KIAA0930: variants seen among roughly 807,000 people sequenced by gnomAD.
KIAA0930 encodes KIAA0930.
KIAA0930 carries 24 observed loss-of-function variants against 43.9 expected under a neutral mutation model. That is an observed-to-expected ratio of 0.55 (90% CI 0.40 to 0.77). KIAA0930 has a LOEUF of 0.77. KIAA0930 is among the 30% of genes least tolerant of loss of function. The pLI is 0.00. For synonymous variants in KIAA0930, 259 were observed against 216.4 expected (o/e 1.20, Z -1.73); for missense variants, 461 against 574.2 (o/e 0.80, Z 2.02).
Position 45,194,790 on chromosome 22 carries a change from C to T in KIAA0930, c.*2386G>A, listed in dbSNP as rs1282409056. On this transcript the variant is annotated 3_prime_UTR_variant, in exon 10 of 10. Transcript: ENST00000336156. ...AGGGCCTGAGAAAGGCAGACTCCAC[C>T]GAGTGTCTGTCCATCTGTCCGGACA... is the stretch of plus-strand genomic sequence containing the variant. 1 of 152,224 alleles carries T rather than the reference C, an allele frequency of 6.6e-6. No homozygotes were observed. Among genetic ancestry groups the T allele is most frequent in the Non-Finnish European group, 1.5e-5 (1 of 68,050 alleles). 9.4% of individuals were successfully genotyped at this position (152,224 alleles called of 1,614,324 possible).
intron 2 of KIAA0930, 23 bp downstream of exon 2, chr22:45,211,927 CGCAGGG>C (rs768830823): frequency 1.9e-6 from 3 of 1,601,626 alleles, no homozygotes; most frequent in South Asian, 2.2e-5. Context: ...GGGGCACAGA[CGCAGGG>C]GCAGGGGCCG....
Position 45,197,929 on chromosome 22 carries a change from G to A in KIAA0930, c.1035C>T (p.Thr345=). 6.2e-7 allele frequency: 1 copy of A among 1,614,130 alleles called. No individual in the cohort carries two copies. The highest frequency in any genetic ancestry group is 8.5e-7 in the Non-Finnish European group (1 of 1,180,026). Residue 345 remains threonine (T), a synonymous_variant, in exon 9 of 10, where the codon ACC becomes ACT. Coordinates refer to ENST00000336156, the MANE Select transcript of KIAA0930 (RefSeq NM_001009880.2). The stretch of plus-strand genomic sequence containing the variant: ...CCGACAGGGACCGAGACCGCAGGTT[G>A]GTTGCATTGTGCAGATCGGCTGGAG... The part of the protein sequence containing the change: ...DDGGADLHNA[T]NLRSRSLSGT...
intron 8 of KIAA0930, 77 bp downstream of exon 8, chr22:45,199,792 GAATA>G (rs1292346074): frequency 3.9e-6 from 5 of 1,294,250 alleles, no homozygotes; most frequent in Non-Finnish European, 5.2e-6. Flanking sequence ...ATGAATGAAT[GAATA>G]AATGAATGAA....
At chr22:45,225,816 T>G (rs965068065) in intron 1 of KIAA0930, among the ~76,000 whole-genome samples, 3 of 152,238 alleles carry the variant, frequency 2.0e-5, no homozygotes, top group Admixed American at 6.5e-5. Context: ...ATTGCCTCAC[T>G]TGATCTTCAC....
chr22:45,235,248 C>T (rs960954375), intron 1 of KIAA0930: 1 of 152,268 alleles, frequency 6.6e-6, no homozygotes, highest in Admixed American at 6.5e-5. Context: ...AGCATTCTTA[C>T]CCAGGCCAGT....
chr22:45,238,088 T>C (rs994744606), intron 1 of KIAA0930, among the ~76,000 whole-genome samples: 14 of 143,380 alleles, frequency 9.8e-5, no homozygotes, highest in Non-Finnish European at 1.7e-4. Flanking sequence ...GCCTGGCTAA[T>C]TTTTTTTTTT....
chr22:45,204,122 G>A (rs1457125981), intron 5 of KIAA0930, 137 bp from the exon 6 acceptor site: 5 of 1,134,388 alleles, frequency 4.4e-6, no homozygotes, highest in Non-Finnish European at 5.0e-6. Flanking sequence ...ACACTCCTGT[G>A]GCCCCATGCC....
At chr22:45,200,800 C>A (rs1347202878) in intron 7 of KIAA0930, among the ~76,000 whole-genome samples, 4 of 152,226 alleles carry the variant, frequency 2.6e-5, no homozygotes, top group African/African-American at 7.2e-5. Flanking sequence ...GAGTGACAAC[C>A]ATAGACAGCA....
intron 1 of KIAA0930, among the ~76,000 whole-genome samples, chr22:45,222,159 A>T (rs899997663): frequency 6.6e-6 from 1 of 152,240 alleles, no homozygotes; most frequent in African/African-American, 2.4e-5. Flanking sequence ...AGCCAAAATA[A>T]ATTCCAAAAA....
chr22:45,210,319 G>A (rs971983066), intron 2 of KIAA0930, among the ~76,000 whole-genome samples: 5 of 152,154 alleles, frequency 3.3e-5, no homozygotes, highest in South Asian at 2.1e-4. Context: ...CTGAGCCTCC[G>A]AGTTCCGGTT....
chr22:45,195,926 G>A lies in KIAA0930; in HGVS notation c.*1250C>T, dbSNP rs1174894913. ...CAGAGCCCAAAGAATAAACAGATGG[G>A]AGAACAAGACCCTCCTCTTCCTTTT... is the stretch of plus-strand genomic sequence containing the variant. On this transcript the variant is annotated 3_prime_UTR_variant, in exon 10 of 10. Coordinates refer to ENST00000336156, the MANE Select transcript of KIAA0930 (RefSeq NM_001009880.2). 1 of 152,252 alleles carries A rather than the reference G, an allele frequency of 6.6e-6. No individual in the cohort carries two copies. Among genetic ancestry groups the A allele is most frequent in the East Asian group, 1.9e-4 (1 of 5,208 alleles). The allele number at this position is 152,252 out of a possible 1,614,324, so 9.4% of individuals were successfully genotyped here.
chr22:45,233,532 G>A (rs1395537900), intron 1 of KIAA0930, among the ~76,000 whole-genome samples: 2 of 152,148 alleles, frequency 1.3e-5, no homozygotes, highest in African/African-American at 4.8e-5. Flanking sequence ...CCTGGAAAGT[G>A]GGAAATCACA....
intron 2 of KIAA0930, among the ~76,000 whole-genome samples, chr22:45,209,952 G>C (rs2083678025): frequency 6.6e-6 from 1 of 152,050 alleles, no homozygotes; most frequent in Non-Finnish European, 1.5e-5. Flanking sequence ...CTCAGTGGAG[G>C]GCTCTCACCT....
At chr22:45,206,049 A>T (rs1053678128) in intron 2 of KIAA0930, 137 bp from the exon 3 acceptor site, 2 of 1,443,090 alleles carry the variant, frequency 1.4e-6, no homozygotes, top group Admixed American at 4.1e-5. Flanking sequence ...AGGGTCTCAC[A>T]CCGCTGCCCA....
At chr22:45,214,264 G>A (rs2083717769) in intron 1 of KIAA0930, among the ~76,000 whole-genome samples, 2 of 152,240 alleles carry the variant, frequency 1.3e-5, no homozygotes, top group African/African-American at 4.8e-5. Flanking sequence ...CCAGCCACTA[G>A]CCACTCCTAG....
intron 8 of KIAA0930, among the ~76,000 whole-genome samples, chr22:45,199,072 C>A (rs1234747881): frequency 6.6e-6 from 1 of 152,206 alleles, no homozygotes; most frequent in Admixed American, 6.5e-5. Context: ...GGCAGAACTT[C>A]CCAACCTGTC....
chr22:45,211,864 G>C (rs1272499689), intron 2 of KIAA0930, 92 bp downstream of exon 2: 2 of 1,260,486 alleles, frequency 1.6e-6, no homozygotes, highest in African/African-American at 1.5e-5. Context: ...ATATGCATGA[G>C]CACTGTAGGA....
chr22:45,213,569 C>T (rs1353900148), intron 1 of KIAA0930: 6 of 1,025,356 alleles, frequency 5.9e-6, no homozygotes, highest in South Asian at 1.7e-5. Flanking sequence ...GCCCAAGTCA[C>T]GCTACTACAG....
At position 45,205,228 on chromosome 22, in the gene KIAA0930, T is replaced by A. The variant is rs767770947; in HGVS notation, c.505A>T (p.Ser169Cys). The A allele has an allele frequency of 1.2e-6, 2 of 1,613,742 alleles. No homozygotes were observed. The highest frequency in any genetic ancestry group is 1.7e-6 in the Non-Finnish European group (2 of 1,179,608). Residue 169 changes from serine to cysteine, a missense_variant, in exon 5 of 10, where the codon AGC (serine) becomes TGC (cysteine). Ser to Cys is a moderately radical substitution (Grantham distance 112). Coordinates refer to ENST00000336156, the MANE Select transcript of KIAA0930 (RefSeq NM_001009880.2). ...SYPNIFFMID[S>C]FEEVFSDMTV... is the part of the protein sequence containing the mutation. ...TGTGCAGAGCTCACCTCCTCGAAGC[T>A]GTCAATCATGAAGAAGATGTTGGGG...
Sources: allele counts gnomAD v4.1 joint callset (sites outside exome capture counted in the v4.1 genomes callset), GRCh38; gene constraint gnomAD v4.1.1; transcripts MANE v1.5; gene names NCBI Gene and HGNC (gene_info 2026-07-23, HGNC 2026-07-21).